Variants in TEX11 observed in about 807,000 individuals in gnomAD.
TEX11 encodes testis expressed 11, also known as testis-expressed protein 11.
Under a neutral mutation model 84.4 loss-of-function variants are expected in TEX11, and 7 were observed. The observed-to-expected ratio is 0.08, with a 90% CI of 0.05 to 0.16. The LOEUF (loss-of-function observed/expected upper bound fraction) is 0.16. Among genes scored for constraint, TEX11 ranks in the 10% least tolerant of loss-of-function variants. The pLI is 1.00. For missense variants in TEX11, 551 were observed against 660.5 expected (o/e 0.83, Z 1.82); for synonymous variants, 264 against 222.8 (o/e 1.18, Z -1.64).
At chrX:70,644,934 A>G (rs894354309) in intron 17 of TEX11, among the ~76,000 whole-genome samples, 1 of 108,471 alleles carries the variant, frequency 9.2e-6, no homozygotes, top group Admixed American at 9.8e-5. Flanking sequence ...AAAAAAATTA[A>G]AAAAAGATAA....
intron 20 of TEX11, among the ~76,000 whole-genome samples, chrX:70,611,672 A>C (rs1010021743): frequency 9.0e-6 from 1 of 111,011 alleles, no homozygotes; most frequent in Non-Finnish European, 1.9e-5. Context: ...CCACAGCCTG[A>C]CCTTCTGGGG....
At chrX:70,651,426 A>G (rs1328855963) in intron 17 of TEX11, 24 bp downstream of exon 17, 1 of 1,055,179 alleles carries the variant, frequency 9.5e-7, no homozygotes, top group Non-Finnish European at 1.3e-6. Context: ...ATAGTCAAAT[A>G]TAAGTGACAA....
chrX:70,585,638 A>G (rs1384168979), intron 25 of TEX11, among the ~76,000 whole-genome samples: 1 of 112,547 alleles, frequency 8.9e-6, no homozygotes, highest in Non-Finnish European at 1.9e-5. Flanking sequence ...ACAGTGTGGT[A>G]CTACCATACA....
intron 25 of TEX11, among the ~76,000 whole-genome samples, chrX:70,579,745 T>C (rs1185523298): frequency 8.9e-6 from 1 of 111,978 alleles, no homozygotes; most frequent in Non-Finnish European, 1.9e-5. Context: ...AACTGAAAAG[T>C]TGCTCCGCAT....
chrX:70,904,281 A>G (rs2091818332), intron 2 of TEX11, among the ~76,000 whole-genome samples: 1 of 111,570 alleles, frequency 9.0e-6, no homozygotes, highest in Non-Finnish European at 1.9e-5. Flanking sequence ...TGTGCATAAG[A>G]GAAAACTCAA....
intron 7 of TEX11, among the ~76,000 whole-genome samples, chrX:70,843,178 C>A (rs2091457677): frequency 8.9e-6 from 1 of 111,855 alleles, no homozygotes; most frequent in Non-Finnish European, 1.9e-5. Context: ...CAAGACAATC[C>A]TAAGCCAGAA....
chrX:70,789,482 C>G (rs1440009687), intron 9 of TEX11, among the ~76,000 whole-genome samples: 3 of 111,610 alleles, frequency 2.7e-5, no homozygotes, highest in African/African-American at 9.8e-5. Flanking sequence ...ATCCCAGCTA[C>G]TCGGGAAGCT....
At chrX:70,536,627 C>T (rs1051689363) in intron 28 of TEX11, among the ~76,000 whole-genome samples, 1 of 112,279 alleles carries the variant, frequency 8.9e-6, no homozygotes, top group Admixed American at 9.5e-5. Flanking sequence ...ATACAAAATT[C>T]TCATAGATAT....
rs1304602418 is a variant in TEX11 at position 70,593,987 on chromosome X, T to A, written c.2068-2164A>T. On this transcript the variant is annotated intron_variant, in intron 24 of 29. Transcript: ENST00000374333. ...AAACAAATGGCTGAAAATTCCCTAA[T>A]TTTGATGAAAAACAATAATCTACAC... Among the ~76,000 whole-genome samples, 125 of 111,206 alleles carry A rather than the reference T, an allele frequency of 1.1e-3. 1 individual carries two copies. Among genetic ancestry groups the A allele is most frequent in the African/African-American group, 3.8e-3 (118 of 30,689 alleles).
chrX:70,842,912 C>T (rs1450072400), intron 7 of TEX11, among the ~76,000 whole-genome samples: 1 of 111,415 alleles, frequency 9.0e-6, no homozygotes, highest in African/African-American at 3.3e-5. Context: ...CCTAGGAATC[C>T]AACTTACAAG....
intron 25 of TEX11, among the ~76,000 whole-genome samples, chrX:70,575,757 C>T (rs1463394147): frequency 8.9e-6 from 1 of 111,842 alleles, no homozygotes; most frequent in Non-Finnish European, 1.9e-5. Context: ...ACTATATAAC[C>T]CCTGAATAAG....
At chrX:70,548,162 G>A (rs891501434) in intron 28 of TEX11, among the ~76,000 whole-genome samples, 9 of 109,167 alleles carry the variant, frequency 8.2e-5, no homozygotes, top group African/African-American at 2.3e-4. Flanking sequence ...GCAAACTATC[G>A]CAAGGACAAA....
At position 70,796,930 on chromosome X, in the gene TEX11, C is replaced by A. The variant is rs140503899; in HGVS notation, c.692+9775G>T. ...CAATGAGATACCATCTCACACCAGT[C>A]GAAGTGGTTTTTATTAAAAAGTCAA... On this transcript the variant is annotated intron_variant, in intron 9 of 29. Coordinates refer to ENST00000374333, the MANE Select transcript of TEX11 (RefSeq NM_031276.3). Among the ~76,000 whole-genome samples the A allele has an allele frequency of 4.7e-3, 529 of 111,730 alleles. 8 individuals carry two copies. The Middle Eastern group carries it at 0.06, about 13-fold the overall frequency.
chrX:70,577,219 T>G (rs1463592837), intron 25 of TEX11, among the ~76,000 whole-genome samples: 2 of 109,126 alleles, frequency 1.8e-5, no homozygotes, highest in African/African-American at 6.7e-5. Flanking sequence ...AACAAACAAC[T>G]CCAGCACAGT....
chrX:70,664,690 G>C (rs1204339212), intron 16 of TEX11, among the ~76,000 whole-genome samples: 1 of 109,958 alleles, frequency 9.1e-6, no homozygotes, highest in African/African-American at 3.3e-5. Flanking sequence ...CACAGATTAG[G>C]CATTTAATAT....
chrX:70,806,638 C>T (rs1227478011), intron 9 of TEX11, 67 bp downstream of exon 9: 11 of 758,372 alleles, frequency 1.5e-5, no homozygotes, highest in Non-Finnish European at 2.0e-5. Flanking sequence ...AAGTACTCTA[C>T]AGTAAATATT....
Position 70,728,350 on chromosome X carries a change from C to T in TEX11, c.844-3007G>A, listed in dbSNP as rs187816265. The stretch of plus-strand genomic sequence containing the variant: ...TGGGTGCAGTGCACTGAGCCTGAGC[C>T]GAAGCAGGGCGAGGCATCGCCTCAC... On this transcript the variant is annotated intron_variant, in intron 11 of 29. Transcript: ENST00000374333. 1.7e-4 allele frequency among the ~76,000 whole-genome samples: 19 copies of T among 112,824 alleles called. 1 individual carries two copies. The South Asian group carries it at 2.2e-3, about 13-fold the overall frequency.
At chrX:70,872,423 T>C (rs936725210) in intron 4 of TEX11, among the ~76,000 whole-genome samples, 1 of 112,811 alleles carries the variant, frequency 8.9e-6, no homozygotes, top group Admixed American at 9.4e-5. Context: ...TAGTAAATTA[T>C]ATTTGTTGCA....
intron 20 of TEX11, among the ~76,000 whole-genome samples, chrX:70,614,839 C>CGA (rs772994750): frequency 2.7e-4 from 29 of 108,330 alleles, no homozygotes; most frequent in Admixed American, 7.9e-4. Flanking sequence ...AGAGAAAGAG[C>CGA]GAGAGAGAGA....
Sources: allele counts gnomAD v4.1 joint callset (sites outside exome capture counted in the v4.1 genomes callset), GRCh38; gene constraint gnomAD v4.1.1; transcripts MANE v1.5; gene names NCBI Gene and HGNC (gene_info 2026-07-23, HGNC 2026-07-21).